Variants in KCND2 observed in about 807,000 individuals in gnomAD.
KCND2 encodes the protein potassium voltage-gated channel subfamily D member 2, also known as A-type voltage-gated potassium channel KCND2.
In KCND2, 16 loss-of-function variants were observed where a neutral mutation model predicts 54.4. The ratio of observed to expected loss-of-function variants is 0.29; its 90% CI spans 0.20 to 0.45. The LOEUF (loss-of-function observed/expected upper bound fraction) is 0.45. KCND2 is among the 20% of genes least tolerant of loss of function. The pLI, the probability that KCND2 is intolerant of heterozygous loss-of-function variation, is 1.00. For synonymous variants in KCND2, 317 were observed against 310.7 expected (o/e 1.02, Z -0.21); for missense variants, 486 against 824.2 (o/e 0.59, Z 5.02).
intron 1 of KCND2, among the ~76,000 whole-genome samples, chr7:120,290,404 G>A (rs867351056): frequency 8.6e-5 from 13 of 151,858 alleles, no homozygotes; most frequent in Non-Finnish European, 1.5e-4. Flanking sequence ...TCATTCCTCT[G>A]CAAAACTCTT....
intron 1 of KCND2, among the ~76,000 whole-genome samples, chr7:120,284,244 C>T (rs1317715454): frequency 1.3e-5 from 2 of 151,902 alleles, no homozygotes; most frequent in African/African-American, 4.8e-5. Flanking sequence ...GGCCTATTTC[C>T]TGATAAGGAA....
intron 1 of KCND2, among the ~76,000 whole-genome samples, chr7:120,729,666 GAGA>G (rs1168469925): frequency 6.6e-6 from 1 of 152,208 alleles, no homozygotes; most frequent in Non-Finnish European, 1.5e-5. Context: ...ATAAACGTGA[GAGA>G]AGATGTTCCC....
chr7:120,626,127 A>G (rs1257629655), intron 1 of KCND2, among the ~76,000 whole-genome samples: 1 of 152,120 alleles, frequency 6.6e-6, no homozygotes, highest in East Asian at 1.9e-4. Flanking sequence ...TCGATCATGT[A>G]CTTTTCTTGA....
chr7:120,293,716 T>A (rs1422412988), intron 1 of KCND2, among the ~76,000 whole-genome samples: 1 of 151,930 alleles, frequency 6.6e-6, no homozygotes, highest in African/African-American at 2.4e-5. Flanking sequence ...CTGCTTAACA[T>A]ATATTGTCTT....
chr7:120,300,480 T>G (rs529939647), intron 1 of KCND2, among the ~76,000 whole-genome samples: 1 of 152,266 alleles, frequency 6.6e-6, no homozygotes, highest in Admixed American at 6.5e-5. Flanking sequence ...AGAATACTGG[T>G]GTATATTGTT....
intron 1 of KCND2, among the ~76,000 whole-genome samples, chr7:120,417,306 T>C (rs1198979210): frequency 7.2e-5 from 11 of 152,208 alleles, no homozygotes; most frequent in African/African-American, 2.7e-4. Flanking sequence ...GAAATCAAAT[T>C]TCAAAGAGAC....
intron 1 of KCND2, among the ~76,000 whole-genome samples, chr7:120,471,716 A>G (rs68060610): frequency 0.1 from 15,184 of 152,124 alleles, 1,571 homozygotes; most frequent in East Asian, 0.45. Context: ...ATTTCTTTGA[A>G]AAATAATCCT....
At chr7:120,634,096 G>C (rs1253431832) in intron 1 of KCND2, among the ~76,000 whole-genome samples, 1 of 152,106 alleles carries the variant, frequency 6.6e-6, no homozygotes, top group East Asian at 1.9e-4. Context: ...ATTTTAGACA[G>C]TGTGATATTG....
At chr7:120,555,815 A>G (rs1276176799) in intron 1 of KCND2, among the ~76,000 whole-genome samples, 1 of 152,216 alleles carries the variant, frequency 6.6e-6, no homozygotes, top group Admixed American at 6.5e-5. Context: ...TGCTGGCTAT[A>G]CTACAGCACA....
At position 120,275,019 on chromosome 7, in the gene KCND2, C is replaced by G; in HGVS notation, c.387C>G (p.Ile129Met). ...TCTTTGGCCTCATCCCGGAAATCAT[C>G]GGCGACTGCTGTTATGAGGAGTACA... Reference protein sequence around the residue: ...LAFFGLIPEIIGDCCYEEYKD... With the variant: ...LAFFGLIPEIMGDCCYEEYKD... The change falls in exon 1 of 6, where the codon ATC (isoleucine) becomes ATG (methionine). Residue 129 changes from isoleucine to methionine, a missense_variant. Transcript: ENST00000331113. 3 of 1,614,024 alleles carry G rather than the reference C, an allele frequency of 1.9e-6. No individual in the cohort carries two copies. The highest frequency in any genetic ancestry group is 2.5e-6 in the Non-Finnish European group (3 of 1,180,034).
chr7:120,630,693 A>G (rs1793223027), intron 1 of KCND2, among the ~76,000 whole-genome samples: 1 of 152,216 alleles, frequency 6.6e-6, no homozygotes, highest in South Asian at 2.1e-4. Flanking sequence ...TAAAAGAATG[A>G]CAGAATTGTG....
At chr7:120,423,687 T>C (rs1448714773) in intron 1 of KCND2, among the ~76,000 whole-genome samples, 6 of 152,234 alleles carry the variant, frequency 3.9e-5, no homozygotes, top group African/African-American at 1.4e-4. Flanking sequence ...AGGAATTATT[T>C]CTGTCTCTGG....
chr7:120,281,140 T>A (rs1409213530), intron 1 of KCND2, among the ~76,000 whole-genome samples: 1 of 152,142 alleles, frequency 6.6e-6, no homozygotes, highest in Non-Finnish European at 1.5e-5. Flanking sequence ...AGTTGGCCTA[T>A]GAGTCATTAA....
At chr7:120,669,608 CAA>C (rs1717307691) in intron 1 of KCND2, among the ~76,000 whole-genome samples, 2 of 151,892 alleles carry the variant, frequency 1.3e-5, no homozygotes. Flanking sequence ...TTTAAAAGGA[CAA>C]AAAAAGTTTA....
intron 1 of KCND2, among the ~76,000 whole-genome samples, chr7:120,391,294 ACTTG>A (rs1563030806): frequency 6.6e-6 from 1 of 152,114 alleles, no homozygotes; most frequent in Non-Finnish European, 1.5e-5. Context: ...TATGTGCCAC[ACTTG>A]CTTTATCCAG....
chr7:120,351,238 A>ATATG (rs1554430138), intron 1 of KCND2, among the ~76,000 whole-genome samples: 1 of 64,580 alleles, frequency 1.5e-5, no homozygotes, highest in African/African-American at 4.0e-5. Flanking sequence ...ATATATTTAT[A>ATATG]TGTGTGTATA....
intron 1 of KCND2, among the ~76,000 whole-genome samples, chr7:120,562,245 A>T (rs1792245009): frequency 6.6e-6 from 1 of 152,208 alleles, no homozygotes. Context: ...AAGGAAATAT[A>T]GCAGAAAATA....
intron 1 of KCND2, among the ~76,000 whole-genome samples, chr7:120,471,233 CTTAAG>C (rs1308495485): frequency 1.3e-5 from 2 of 152,002 alleles, no homozygotes; most frequent in African/African-American, 4.8e-5. Flanking sequence ...CAACTGGAAA[CTTAAG>C]TTATTATCTT....
At chr7:120,375,790 C>T (rs369979105) in intron 1 of KCND2, among the ~76,000 whole-genome samples, 6 of 151,682 alleles carry the variant, frequency 4.0e-5, no homozygotes, top group South Asian at 2.1e-4. Context: ...TACTCCTCGA[C>T]GTTATAAAAT....
Sources: gnomAD v4.1 joint callset for allele counts (sites outside exome capture counted in the v4.1 genomes callset) on GRCh38, gnomAD v4.1.1 for gene constraint, MANE v1.5 for transcripts, NCBI Gene and HGNC (gene_info 2026-07-23, HGNC 2026-07-21) for gene names.